The following FGF12 variants were observed in gnomAD, a reference collection of about 807,000 sequenced individuals.
FGF12 encodes the protein fibroblast growth factor 12B.
In FGF12, 14 loss-of-function variants were observed where a neutral mutation model predicts 23.6. That is an observed-to-expected ratio of 0.59 (90% CI 0.39 to 0.93). The LOEUF is 0.93. Ranked by LOEUF, FGF12 falls within the 40% of genes least tolerant of loss-of-function variation. The pLI is 0.00. For missense variants in FGF12, 175 were observed against 217.8 expected, an observed-to-expected ratio of 0.80 and a Z score of 1.24; for synonymous variants, 62 against 77.3, an observed-to-expected ratio of 0.80 and a Z score of 1.04.
chr3:192,689,624 T>C (rs1204035674), intron 2 of FGF12, among the ~76,000 whole-genome samples: 1 of 149,288 alleles, frequency 6.7e-6, no homozygotes, highest in East Asian at 2.0e-4. Flanking sequence ...ATAGTAAGAG[T>C]AGAAAAAAGA....
At chr3:192,330,696 C>G (rs750734231) in intron 4 of FGF12, among the ~76,000 whole-genome samples, 10 of 151,718 alleles carry the variant, frequency 6.6e-5, no homozygotes, top group Non-Finnish European at 1.3e-4. Flanking sequence ...AGCAAGACTC[C>G]ATCTCAAGAA....
chr3:192,440,811 T>A (rs1722181269), intron 2 of FGF12, among the ~76,000 whole-genome samples: 4 of 152,214 alleles, frequency 2.6e-5, no homozygotes, highest in South Asian at 2.1e-4. Context: ...CCTGTAAGCA[T>A]CCCATGAGGC....
chr3:192,225,676 A>G (rs1718696715), intron 4 of FGF12, among the ~76,000 whole-genome samples: 1 of 152,196 alleles, frequency 6.6e-6, no homozygotes, highest in East Asian at 1.9e-4. Flanking sequence ...TATTCATAGC[A>G]GCATAATTCA....
At position 192,694,318 on chromosome 3, in the gene FGF12, A is replaced by G. The variant is rs534098561; in HGVS notation, c.13+32863T>C. 1.3e-4 allele frequency among the ~76,000 whole-genome samples: 20 copies of G among 152,278 alleles called. 1 individual carries two copies. The highest frequency in any genetic ancestry group is 6.5e-4 in the Admixed American group (10 of 15,296). On this transcript the variant is annotated intron_variant, in intron 2 of 5. Coordinates refer to ENST00000445105, the MANE Select transcript of FGF12 (RefSeq NM_004113.6). The stretch of plus-strand genomic sequence containing the variant: ...GGGAATGTAAATTGGTGTAGCTATT[A>G]TGACGAACAGTATGAAAGTTCCTCA...
chr3:192,656,550 G>A (rs368989488), intron 2 of FGF12, among the ~76,000 whole-genome samples: 2 of 152,044 alleles, frequency 1.3e-5, no homozygotes, highest in African/African-American at 4.8e-5. Flanking sequence ...GTGGGAGGAG[G>A]GGTGCTACTG....
chr3:192,583,295 C>A (rs1339757088), intron 2 of FGF12, among the ~76,000 whole-genome samples: 1 of 152,158 alleles, frequency 6.6e-6, no homozygotes, highest in African/African-American at 2.4e-5. Flanking sequence ...CATAGGATAT[C>A]AGATGAGCGA....
chr3:192,555,784 G>T (rs1188120258), intron 2 of FGF12, among the ~76,000 whole-genome samples: 1 of 151,314 alleles, frequency 6.6e-6, no homozygotes, highest in African/African-American at 2.4e-5. Context: ...GATGACAAGA[G>T]GAAAACTCCA....
rs112849229 is a variant in FGF12, at chr3:192,493,925, AT to A, written c.14-133388del. Among the ~76,000 whole-genome samples the A allele has an allele frequency of 6.5e-4, 99 of 152,128 alleles. 1 individual carries two copies. Among genetic ancestry groups the A allele is most frequent in the African/African-American group, 2.3e-3 (96 of 41,490 alleles). On this transcript the variant is annotated intron_variant, in intron 2 of 5. Coordinates refer to ENST00000445105, the MANE Select transcript of FGF12 (RefSeq NM_004113.6). ...CAGATCCAAACCCTATCACAGGATG[AT>A]TTTTTTCTGTTATTTAGAAGAGAAC...
intron 4 of FGF12, among the ~76,000 whole-genome samples, chr3:192,196,498 C>T (rs1310741742): frequency 2.0e-5 from 3 of 151,776 alleles, no homozygotes; most frequent in African/African-American, 7.3e-5. Context: ...ATACTTAGAG[C>T]TTATTAGATA....
At chr3:192,659,865 G>T (rs571541316) in intron 2 of FGF12, among the ~76,000 whole-genome samples, 94 of 152,218 alleles carry the variant, frequency 6.2e-4, no homozygotes, top group Middle Eastern at 6.8e-3. Context: ...GTATCTCATT[G>T]TGGTTTTGAT....
At chr3:192,278,082 T>G (rs1713914314) in intron 4 of FGF12, among the ~76,000 whole-genome samples, 1 of 152,134 alleles carries the variant, frequency 6.6e-6, no homozygotes, top group East Asian at 1.9e-4. Flanking sequence ...TTAAAGGTTT[T>G]ACGCTGTTAC....
chr3:192,608,244 G>A (rs1378419700), intron 2 of FGF12, among the ~76,000 whole-genome samples: 1 of 152,112 alleles, frequency 6.6e-6, no homozygotes, highest in Non-Finnish European at 1.5e-5. Flanking sequence ...CAGCACAGCA[G>A]AGTGACTACA....
At chr3:192,500,539 CT>C (rs1724105374) in intron 2 of FGF12, among the ~76,000 whole-genome samples, 1 of 152,216 alleles carries the variant, frequency 6.6e-6, no homozygotes. Context: ...CTAATCTATC[CT>C]GTTCAGGTTA....
intron 2 of FGF12, chr3:192,407,909 G>T: frequency 9.1e-7 from 1 of 1,103,322 alleles, no homozygotes; most frequent in African/African-American, 1.6e-5. Flanking sequence ...GAGAGAAGAG[G>T]GGTCAGAATG....
intron 2 of FGF12, among the ~76,000 whole-genome samples, chr3:192,586,874 TCTATTAAA>T (rs1276206105): frequency 6.6e-6 from 1 of 152,214 alleles, no homozygotes; most frequent in Non-Finnish European, 1.5e-5. Flanking sequence ...TAAAATTCTT[TCTATTAAA>T]CTGCTGACAA....
intron 2 of FGF12, among the ~76,000 whole-genome samples, chr3:192,506,321 C>A (rs1724293326): frequency 6.6e-6 from 1 of 152,224 alleles, no homozygotes; most frequent in Admixed American, 6.5e-5. Flanking sequence ...AACAAATATC[C>A]TGTGGCAGTT....
chr3:192,621,077 C>G (rs1409935629), intron 2 of FGF12, among the ~76,000 whole-genome samples: 2 of 152,164 alleles, frequency 1.3e-5, no homozygotes, highest in Non-Finnish European at 2.9e-5. Context: ...ACCTTACATT[C>G]TCTTCAAGCA....
In FGF12 at chr3:192,288,054, A is replaced by C. The variant is rs372084542; in HGVS notation, c.228+47307T>G. Reference sequence around the variant, plus strand: ...TCACTCCTAGAAATAAGTTGAAGGAAAGGCTTTAGAATAAAAAAAATCTTC... The same window carrying C: ...TCACTCCTAGAAATAAGTTGAAGGACAGGCTTTAGAATAAAAAAAATCTTC... On this transcript the variant is annotated intron_variant, in intron 4 of 5. Transcript: ENST00000445105. Among the ~76,000 whole-genome samples, 64 of 128,410 alleles carry C rather than the reference A, an allele frequency of 5.0e-4. No homozygotes were observed. The East Asian group carries it at 0.015, about 30-fold the overall frequency. The allele number at this position is 128,410 out of a possible 152,430, so 84.2% of individuals were successfully genotyped here. A position where few individuals can be genotyped will look rare whatever the true frequency, so the allele number is the denominator to read the frequency against.
chr3:192,535,266 T>G (rs1725197328), intron 2 of FGF12, among the ~76,000 whole-genome samples: 1 of 152,192 alleles, frequency 6.6e-6, no homozygotes, highest in Non-Finnish European at 1.5e-5. Context: ...CTGTATAACA[T>G]CTTTTTAGCC....
Sources: gnomAD v4.1 joint callset for allele counts (sites outside exome capture counted in the v4.1 genomes callset) on GRCh38, gnomAD v4.1.1 for gene constraint, MANE v1.5 for transcripts, NCBI Gene and HGNC (gene_info 2026-07-23, HGNC 2026-07-21) for gene names.